CSMD3: variants seen among roughly 807,000 people sequenced by gnomAD.
CSMD3 encodes CUB and sushi domain-containing protein 3.
A neutral mutation model predicts 435.2 loss-of-function variants in CSMD3; 177 were observed. The ratio of observed to expected loss-of-function variants is 0.41; its 90% CI spans 0.36 to 0.46. The LOEUF (loss-of-function observed/expected upper bound fraction) is 0.46. Among genes scored for constraint, CSMD3 ranks in the 20% least tolerant of loss-of-function variants. CSMD3 has a pLI of 0.34. For missense variants in CSMD3, 4,265 were observed against 4,504.6 expected (o/e 0.95, Z 1.52); for synonymous variants, 1,656 against 1,520.5 (o/e 1.09, Z -2.07).
At chr8:112,307,401 C>G (rs1243988087) in intron 50 of CSMD3, among the ~76,000 whole-genome samples, 1 of 152,132 alleles carries the variant, frequency 6.6e-6, no homozygotes, top group East Asian at 1.9e-4. Flanking sequence ...CTACCTTCAG[C>G]CTCCTGAGTA....
chr8:113,077,880 A>C lies in CSMD3; in HGVS notation c.917+20876T>G, dbSNP rs556667896. Among the ~76,000 whole-genome samples the C allele has an allele frequency of 2.6e-5, 4 of 152,350 alleles. No homozygotes were observed. In the South Asian group the frequency reaches 8.3e-4, roughly 32 times the overall value. On this transcript the variant is annotated intron_variant, in intron 5 of 70. Transcript: ENST00000297405. ...TTAATTGGTTTATACAGCATGTTTA[A>C]AGAAAATAAGTAGATTGCTTTGATC... is the stretch of plus-strand genomic sequence containing the variant.
At chr8:112,717,437 AAT>A (rs1371324016) in intron 13 of CSMD3, among the ~76,000 whole-genome samples, 3 of 152,204 alleles carry the variant, frequency 2.0e-5, no homozygotes, top group African/African-American at 7.2e-5. Flanking sequence ...GCTGTGGAGA[AAT>A]AGGAATGCTT....
At chr8:112,410,642 A>ATATATGTGTATATATATATG (rs1832299086) in intron 32 of CSMD3, among the ~76,000 whole-genome samples, 1 of 95,988 alleles carries the variant, frequency 1.0e-5, no homozygotes, top group Non-Finnish European at 2.3e-5. Flanking sequence ...ATATATGTAT[A>ATATATGTGTATATATATATG]TATATATGTG....
intron 32 of CSMD3, among the ~76,000 whole-genome samples, chr8:112,422,715 C>T (rs1812649112): frequency 6.6e-6 from 1 of 152,204 alleles, no homozygotes; most frequent in South Asian, 2.1e-4. Context: ...CCAACAAATA[C>T]ACCATATTCT....
In CSMD3 at chr8:112,352,462, A is replaced by G. The variant is rs1171404698; in HGVS notation, c.6209T>C (p.Val2070Ala). ...SGIKIGDRYMVGDVVSFQCDQ... is the reference protein window; with the variant it reads ...SGIKIGDRYMAGDVVSFQCDQ... ...ACACTGAAAGGATACTACATCTCCA[A>G]CCATATATCTGTCTCCAATTTTAAT... is the stretch of plus-strand genomic sequence containing the variant. The change falls in exon 39 of 71, where the codon GTT becomes GCT. Residue 2070 changes from valine to alanine, a missense_variant. Val to Ala is a moderately conservative substitution (Grantham distance 64, BLOSUM62 0). Coordinates refer to ENST00000297405, the MANE Select transcript of CSMD3 (RefSeq NM_198123.2). 4 of 1,613,718 alleles carry G rather than the reference A, an allele frequency of 2.5e-6. No homozygotes were observed. Among genetic ancestry groups the G allele is most frequent in the East Asian group, 4.5e-5 (2 of 44,772 alleles).
chr8:112,333,669 T>TACACACACACACACACAC (rs147365873), intron 45 of CSMD3, among the ~76,000 whole-genome samples: 12 of 147,936 alleles, frequency 8.1e-5, no homozygotes, highest in Admixed American at 7.3e-4. Context: ...TTCTGTCTCA[T>TACACACACACACACACAC]ACACACACAC....
At chr8:112,655,739 A>G (rs1345510373) in intron 18 of CSMD3, among the ~76,000 whole-genome samples, 1 of 152,036 alleles carries the variant, frequency 6.6e-6, no homozygotes, top group Non-Finnish European at 1.5e-5. Flanking sequence ...AATATTTTAA[A>G]TGGAAAATAT....
chr8:113,024,997 G>A (rs142977798), intron 5 of CSMD3, among the ~76,000 whole-genome samples: 1 of 151,434 alleles, frequency 6.6e-6, no homozygotes, highest in East Asian at 2.0e-4. Flanking sequence ...TTCTGTCTCT[G>A]AGTTGTTTCA....
At chr8:113,069,408 T>G (rs1295329246) in intron 5 of CSMD3, among the ~76,000 whole-genome samples, 3 of 152,150 alleles carry the variant, frequency 2.0e-5, no homozygotes, top group Non-Finnish European at 4.4e-5. Flanking sequence ...AGTTATATAG[T>G]AATATGGGAT....
chr8:112,982,852 T>C (rs1014701692), intron 6 of CSMD3, among the ~76,000 whole-genome samples: 2 of 151,986 alleles, frequency 1.3e-5, no homozygotes, highest in Admixed American at 1.3e-4. Flanking sequence ...GCAAAATTTA[T>C]TTTTCAGGAT....
intron 10 of CSMD3, among the ~76,000 whole-genome samples, chr8:112,900,534 C>T (rs1311305999): frequency 1.3e-5 from 2 of 151,232 alleles, no homozygotes; most frequent in Non-Finnish European, 3.0e-5. Context: ...GGAAGTGGCA[C>T]TGAGGCTAAT....
intron 6 of CSMD3, among the ~76,000 whole-genome samples, chr8:113,004,885 T>C (rs965659063): frequency 6.6e-6 from 1 of 151,812 alleles, no homozygotes; most frequent in Non-Finnish European, 1.5e-5. Flanking sequence ...CTAAAAATAA[T>C]GGTATCACCT....
At chr8:112,887,769 C>T (rs911950813) in intron 10 of CSMD3, among the ~76,000 whole-genome samples, 10 of 150,092 alleles carry the variant, frequency 6.7e-5, no homozygotes, top group African/African-American at 2.2e-4. Flanking sequence ...GATCCAAGAA[C>T]TTAGGATTGT....
chr8:112,407,437 A>C (rs1466914756), intron 34 of CSMD3, among the ~76,000 whole-genome samples: 1 of 152,062 alleles, frequency 6.6e-6, no homozygotes, highest in Admixed American at 6.6e-5. Flanking sequence ...CACATAACAA[A>C]TGTGATTAAA....
In CSMD3 at chr8:113,436,843, G is replaced by T. The variant is rs2130158912; in HGVS notation, c.12C>A (p.Ile4=). ...CCTTTGCTCGGCTTTCCCCTTTGCG[G>T]ATCCCTTTCATATTATTCGCGAGCT... MKG[I]RKGESRAKES... is the part of the protein sequence containing the mutation. Residue 4 remains isoleucine, a synonymous_variant, in exon 1 of 71, where the codon ATC becomes ATA. Coordinates refer to ENST00000297405, the MANE Select transcript of CSMD3 (RefSeq NM_198123.2). 6.2e-7 allele frequency: 1 copy of T among 1,614,064 alleles called. No homozygotes were observed. The highest frequency in any genetic ancestry group is 8.5e-7 in the Non-Finnish European group (1 of 1,180,044).
intron 66 of CSMD3, among the ~76,000 whole-genome samples, chr8:112,241,434 T>C (rs906754359): frequency 1.3e-5 from 2 of 152,080 alleles, no homozygotes; most frequent in Non-Finnish European, 2.9e-5. Flanking sequence ...TTTATTTTAA[T>C]ATTTTAAATG....
chr8:112,264,965 C>T (rs1457149522), intron 60 of CSMD3, among the ~76,000 whole-genome samples: 3 of 151,816 alleles, frequency 2.0e-5, no homozygotes, highest in Non-Finnish European at 4.4e-5. Context: ...ACAAGTTTTT[C>T]CCATTATTTA....
intron 1 of CSMD3, among the ~76,000 whole-genome samples, chr8:113,418,452 G>GT (rs1301327476): frequency 6.6e-6 from 1 of 152,128 alleles, no homozygotes; most frequent in Non-Finnish European, 1.5e-5. Context: ...GGAGTGGGTA[G>GT]TAAGAGTCCA....
At chr8:112,666,648 TA>T (rs1368667927) in intron 16 of CSMD3, among the ~76,000 whole-genome samples, 1 of 152,170 alleles carries the variant, frequency 6.6e-6, no homozygotes, top group Non-Finnish European at 1.5e-5. Context: ...TGTCAGGTAA[TA>T]AACTGCTCCT....
Sources: allele counts gnomAD v4.1 joint callset (sites outside exome capture counted in the v4.1 genomes callset), GRCh38; gene constraint gnomAD v4.1.1; transcripts MANE v1.5; gene names NCBI Gene and HGNC (gene_info 2026-07-23, HGNC 2026-07-21).